FAM222A: variants seen among roughly 807,000 people sequenced by gnomAD.
FAM222A encodes family with sequence similarity 222 member A, also known as protein FAM222A.
Under a neutral mutation model 25.8 loss-of-function variants are expected in FAM222A, and 7 were observed. That is an observed-to-expected ratio of 0.27 (90% CI 0.15 to 0.51). The LOEUF is 0.51. Ranked by LOEUF, FAM222A falls within the 20% of genes least tolerant of loss-of-function variation. The pLI, the probability that FAM222A is intolerant of heterozygous loss-of-function variation, is 0.97. For missense variants in FAM222A, 573 were observed against 640.5 expected (o/e 0.89, Z 1.14); for synonymous variants, 294 against 298.8 (o/e 0.98, Z 0.17).
In FAM222A at chr12:109,768,429, C is replaced by CTG. The variant is rs1889126263; in HGVS notation, c.501_502insGT (p.Pro168ValfsTer101). 1 of 1,598,966 alleles carries CTG rather than the reference C, an allele frequency of 6.3e-7. No homozygotes were observed. Among genetic ancestry groups the CTG allele is most frequent in the Non-Finnish European group, 8.5e-7 (1 of 1,178,684 alleles). ...TACCCCAAGCCACCTGAGGCGCCTG[C>CTG]TCCACCACCCGGCCTGCCCGCAGCC... On this transcript the variant is annotated frameshift_variant, in exon 3 of 3. Transcript: ENST00000538780. LOFTEE classifies it high-confidence loss of function.
intron 1 of FAM222A, among the ~76,000 whole-genome samples, chr12:109,740,326 G>A (rs1308567193): frequency 6.6e-6 from 1 of 152,134 alleles, no homozygotes; most frequent in Non-Finnish European, 1.5e-5. Context: ...GTCAGGGAAG[G>A]TGCCAAGCAT....
At chr12:109,727,989 G>T (rs547801414) in intron 1 of FAM222A, among the ~76,000 whole-genome samples, 2 of 152,162 alleles carry the variant, frequency 1.3e-5, no homozygotes, top group Admixed American at 6.5e-5. Context: ...TGTTCAACCC[G>T]CTCTGAGCCT....
At chr12:109,718,215 G>A (rs1157483075) in intron 1 of FAM222A, among the ~76,000 whole-genome samples, 2 of 152,212 alleles carry the variant, frequency 1.3e-5, no homozygotes, top group South Asian at 2.1e-4. Context: ...GTCCCTTGGA[G>A]CCAAAGGTTG....
rs1592792991 is a variant in FAM222A at position 109,752,051 on chromosome 12, A to G, written c.82+7823A>G. On this transcript the variant is annotated intron_variant, in intron 2 of 2. Coordinates refer to ENST00000538780, the MANE Select transcript of FAM222A (RefSeq NM_032829.3). The stretch of plus-strand genomic sequence containing the variant: ...TTTGTACATGTGCATCTGTGCAAAA[A>G]AAAATTCCAGGCTGGACTGTCTCAA... Among the ~76,000 whole-genome samples, 5 of 152,374 alleles carry G rather than the reference A, an allele frequency of 3.3e-5. No individual in the cohort carries two copies. The South Asian group carries it at 1.0e-3, about 32-fold the overall frequency.
chr12:109,717,398 G>A (rs1214086984), intron 1 of FAM222A, among the ~76,000 whole-genome samples: 1 of 152,196 alleles, frequency 6.6e-6, no homozygotes, highest in Non-Finnish European at 1.5e-5. Flanking sequence ...ACCTTCTTGG[G>A]ATGTAGATGG....
intron 2 of FAM222A, among the ~76,000 whole-genome samples, chr12:109,746,518 T>C (rs972635856): frequency 6.6e-6 from 1 of 152,128 alleles, no homozygotes; most frequent in Non-Finnish European, 1.5e-5. Flanking sequence ...GTATGCTCTC[T>C]ATATGACTTA....
intron 1 of FAM222A, among the ~76,000 whole-genome samples, chr12:109,725,225 AC>A (rs1887817326): frequency 6.6e-6 from 1 of 151,826 alleles, no homozygotes; most frequent in Non-Finnish European, 1.5e-5. Flanking sequence ...GGCACTTCCT[AC>A]CCCCATTTTA....
At chr12:109,762,146 C>G (rs1888916202) in intron 2 of FAM222A, among the ~76,000 whole-genome samples, 1 of 152,248 alleles carries the variant, frequency 6.6e-6, no homozygotes, top group Non-Finnish European at 1.5e-5. Context: ...TCTTGCCACT[C>G]ATAGTCCCAT....
chr12:109,736,816 G>A lies in FAM222A; in HGVS notation c.-46-7285G>A, dbSNP rs376440305. ...CCGCCCCTTTCTCCAGGGCTCTTGC[G>A]CCGGGAGCTGGCCGTGGTGCTGACA... On this transcript the variant is annotated intron_variant, in intron 1 of 2. Coordinates refer to ENST00000538780, the MANE Select transcript of FAM222A (RefSeq NM_032829.3). Among the ~76,000 whole-genome samples, 8 of 152,114 alleles carry A rather than the reference G, an allele frequency of 5.3e-5. No homozygotes were observed. In the East Asian group the frequency reaches 1.4e-3, roughly 26 times the overall value.
At chr12:109,762,558 A>C (rs1592800057) in intron 2 of FAM222A, among the ~76,000 whole-genome samples, 1 of 152,256 alleles carries the variant, frequency 6.6e-6, no homozygotes, top group East Asian at 1.9e-4. Context: ...CCGCTGGCTC[A>C]CCCACTTCCT....
At position 109,769,443 on chromosome 12, in the gene FAM222A, G is replaced by T; in HGVS notation, c.*155G>T. 5 of 978,340 alleles carry T rather than the reference G, an allele frequency of 5.1e-6. No individual in the cohort carries two copies. The highest frequency in any genetic ancestry group is 1.6e-5 in the African/African-American group (1 of 60,982). 60.6% of individuals were successfully genotyped at this position (978,340 alleles called of 1,614,324 possible). ...GGCTGGCTGCCGCCTCGCTGTGGCC[G>T]GATGGAGGGTGGCAGGGCAACCTCA... On this transcript the variant is annotated 3_prime_UTR_variant, in exon 3 of 3. Coordinates refer to ENST00000538780, the MANE Select transcript of FAM222A (RefSeq NM_032829.3).
chr12:109,742,559 G>A (rs1888273815), intron 1 of FAM222A, among the ~76,000 whole-genome samples: 2 of 151,598 alleles, frequency 1.3e-5, no homozygotes, highest in African/African-American at 2.4e-5. Flanking sequence ...GGGAGGGGGC[G>A]GTGAGAATCA....
At chr12:109,725,641 C>A (rs983761379) in intron 1 of FAM222A, among the ~76,000 whole-genome samples, 1 of 152,050 alleles carries the variant, frequency 6.6e-6, no homozygotes, top group South Asian at 2.1e-4. Flanking sequence ...AGGCACCAGG[C>A]AGCCCATTCC....
At chr12:109,756,008 G>T (rs998934703) in intron 2 of FAM222A, among the ~76,000 whole-genome samples, 4 of 152,208 alleles carry the variant, frequency 2.6e-5, no homozygotes, top group Non-Finnish European at 5.9e-5. Flanking sequence ...GCCAGCTGAG[G>T]TTTTGATAGA....
chr12:109,748,743 C>T (rs977326463), intron 2 of FAM222A, among the ~76,000 whole-genome samples: 12 of 151,978 alleles, frequency 7.9e-5, no homozygotes, highest in African/African-American at 2.9e-4. Flanking sequence ...TGCTCTTTTT[C>T]CTGTTTTTCT....
chr12:109,724,146 A>T (rs1887799559), intron 1 of FAM222A, among the ~76,000 whole-genome samples: 1 of 152,234 alleles, frequency 6.6e-6, no homozygotes, highest in African/African-American at 2.4e-5. Context: ...AGGCTGTGAC[A>T]GCCTCAGCAA....
At chr12:109,751,608 A>T (rs865947792) in intron 2 of FAM222A, among the ~76,000 whole-genome samples, 1 of 152,146 alleles carries the variant, frequency 6.6e-6, no homozygotes, top group African/African-American at 2.4e-5. Flanking sequence ...ATGTGTGCTT[A>T]TTTATCCTCT....
rs1183050281 is a variant in FAM222A at position 109,714,213 on chromosome 12, C to CGCCGCT, written c.-725_-720dup. ...TTGCGTCGCCCGCTGCCGCCGCCGC[C>CGCCGCT]GCCGCTGCCGCCGCCGCTGTTCGCC... On this transcript the variant is annotated 5_prime_UTR_variant, in exon 1 of 3. Transcript: ENST00000538780. The surrounding 1 kb of genome is among the most constrained non-coding windows in gnomAD (Gnocchi z 4.2). The CGCCGCT allele has an allele frequency of 3.3e-5, 6 of 182,746 alleles. No individual in the cohort carries two copies. In the East Asian group the frequency reaches 8.7e-4, roughly 26 times the overall value. The allele number at this position is 182,746 out of a possible 1,614,324, so 11.3% of individuals were successfully genotyped here.
chr12:109,736,426 G>A lies in FAM222A; in HGVS notation c.-46-7675G>A, dbSNP rs545213899. On this transcript the variant is annotated intron_variant, in intron 1 of 2. Transcript: ENST00000538780. ...CAGAAACTAAGGCTCAGAGAGGAGG[G>A]AGGGATTTGCCTAAGCTCACAGAGT... Among the ~76,000 whole-genome samples the A allele has an allele frequency of 2.6e-5, 4 of 152,324 alleles. No homozygotes were observed. The South Asian group carries it at 8.3e-4, about 32-fold the overall frequency.
Sources: allele counts gnomAD v4.1 joint callset (sites outside exome capture counted in the v4.1 genomes callset), GRCh38; gene constraint gnomAD v4.1.1; non-coding constraint Gnocchi (gnomAD v3.1); transcripts MANE v1.5; gene names NCBI Gene and HGNC (gene_info 2026-07-23, HGNC 2026-07-21).